KCND2: variants seen among roughly 807,000 people sequenced by gnomAD.
The protein encoded by KCND2 is A-type voltage-gated potassium channel KCND2.
KCND2 carries 16 observed loss-of-function variants against 54.4 expected under a neutral mutation model. That is an observed-to-expected ratio of 0.29 (90% confidence interval 0.20 to 0.45). The LOEUF is 0.45. KCND2 is among the 20% of genes least tolerant of loss of function. The pLI is 1.00. For synonymous variants in KCND2, 317 were observed against 310.7 expected (o/e 1.02, Z -0.21); for missense variants, 486 against 824.2 (o/e 0.59, Z 5.02).
intron 1 of KCND2, among the ~76,000 whole-genome samples, chr7:120,385,172 A>G (rs760660813): frequency 2.8e-5 from 4 of 142,480 alleles, no homozygotes; most frequent in Non-Finnish European, 4.6e-5. Context: ...ACGCTCGACT[A>G]TTTTTTTTTT....
intron 1 of KCND2, among the ~76,000 whole-genome samples, chr7:120,604,746 G>A (rs992636826): frequency 6.6e-6 from 1 of 151,742 alleles, no homozygotes; most frequent in Non-Finnish European, 1.5e-5. Flanking sequence ...TTTCAATACT[G>A]TGTTAAGTAC....
intron 1 of KCND2, among the ~76,000 whole-genome samples, chr7:120,588,220 C>G (rs1490667727): frequency 1.3e-5 from 2 of 152,044 alleles, no homozygotes; most frequent in African/African-American, 2.4e-5. Context: ...CATCCCTTGG[C>G]TTTATAGTCT....
chr7:120,273,431 C>T lies in KCND2; in HGVS notation c.-1202C>T, dbSNP rs2116238142. On this transcript the variant is annotated 5_prime_UTR_variant, in exon 1 of 6. Transcript: ENST00000331113. ...CCCGGCCGCCCCGCAGCCCCGCCGCCCCGCAGCCCCGCACCGCGCTGGCCA... is the reference window on the plus strand; with the variant it reads ...CCCGGCCGCCCCGCAGCCCCGCCGCTCCGCAGCCCCGCACCGCGCTGGCCA... Among the ~76,000 whole-genome samples the T allele has an allele frequency of 6.7e-6, 1 of 148,318 alleles. No individual in the cohort carries two copies. The highest frequency in any genetic ancestry group is 1.5e-5 in the Non-Finnish European group (1 of 66,652).
intron 1 of KCND2, among the ~76,000 whole-genome samples, chr7:120,556,380 A>T (rs1038729312): frequency 6.6e-6 from 1 of 152,202 alleles, no homozygotes; most frequent in Non-Finnish European, 1.5e-5. Context: ...TGACCCAGCC[A>T]TTCTGCATGC....
At chr7:120,634,633 A>T (rs1404359277) in intron 1 of KCND2, among the ~76,000 whole-genome samples, 1 of 152,206 alleles carries the variant, frequency 6.6e-6, no homozygotes, top group East Asian at 1.9e-4. Context: ...GCTTGTAAAA[A>T]CTTTTAAGCA....
intron 1 of KCND2, among the ~76,000 whole-genome samples, chr7:120,657,749 G>A (rs956374841): frequency 3.3e-5 from 5 of 152,128 alleles, no homozygotes; most frequent in African/African-American, 9.7e-5. Context: ...TCCGCAGGCT[G>A]AGGAGTGAGA....
chr7:120,451,995 G>A (rs7805718), intron 1 of KCND2, among the ~76,000 whole-genome samples: 41,907 of 152,050 alleles, frequency 0.28, 8,387 homozygotes, highest in East Asian at 0.56. Flanking sequence ...AACAGAAATC[G>A]ATAACACATT....
chr7:120,431,929 A>G (rs981186697), intron 1 of KCND2, among the ~76,000 whole-genome samples: 1 of 152,160 alleles, frequency 6.6e-6, no homozygotes, highest in African/African-American at 2.4e-5. Context: ...GTGTAGTAGT[A>G]GTAGGATTAT....
intron 1 of KCND2, among the ~76,000 whole-genome samples, chr7:120,571,314 A>G (rs970025978): frequency 3.9e-5 from 6 of 152,224 alleles, no homozygotes; most frequent in Non-Finnish European, 7.3e-5. Context: ...GAAAAATATT[A>G]TGAAGTCTAA....
chr7:120,480,223 G>A (rs1266166652), intron 1 of KCND2, among the ~76,000 whole-genome samples: 3 of 151,922 alleles, frequency 2.0e-5, no homozygotes, highest in Non-Finnish European at 2.9e-5. Flanking sequence ...TTCTCAATAT[G>A]AATTTTCTGT....
chr7:120,354,012 C>A (rs561340445), intron 1 of KCND2, among the ~76,000 whole-genome samples: 3 of 152,036 alleles, frequency 2.0e-5, no homozygotes, highest in African/African-American at 7.2e-5. Flanking sequence ...TTTTGTGTGA[C>A]AAAATGGGAA....
intron 1 of KCND2, among the ~76,000 whole-genome samples, chr7:120,522,946 C>G (rs752292561): frequency 6.6e-6 from 1 of 152,132 alleles, no homozygotes; most frequent in Non-Finnish European, 1.5e-5. Context: ...ACATACCTGT[C>G]TTTTGATTCC....
intron 1 of KCND2, among the ~76,000 whole-genome samples, chr7:120,688,233 G>C (rs183390302): frequency 4.6e-5 from 7 of 152,126 alleles, no homozygotes; most frequent in Non-Finnish European, 1.0e-4. Flanking sequence ...AACTTTTTCT[G>C]TTAAGTACCA....
intron 1 of KCND2, among the ~76,000 whole-genome samples, chr7:120,346,339 A>G (rs1426569238): frequency 1.3e-5 from 2 of 152,156 alleles, no homozygotes; most frequent in Non-Finnish European, 2.9e-5. Flanking sequence ...GAGTGAGTTC[A>G]TAGAAAATCC....
intron 1 of KCND2, among the ~76,000 whole-genome samples, chr7:120,364,957 A>G (rs1349840167): frequency 6.6e-6 from 1 of 152,076 alleles, no homozygotes; most frequent in African/African-American, 2.4e-5. Flanking sequence ...CAAAAAGATT[A>G]TAAGAAACAA....
intron 1 of KCND2, among the ~76,000 whole-genome samples, chr7:120,353,622 A>G (rs565879791): frequency 2.0e-5 from 3 of 152,274 alleles, no homozygotes; most frequent in South Asian, 2.1e-4. Context: ...AAATAAGACT[A>G]TCTATAGGGC....
chr7:120,334,091 T>C (rs1800108839), intron 1 of KCND2, among the ~76,000 whole-genome samples: 1 of 152,130 alleles, frequency 6.6e-6, no homozygotes, highest in African/African-American at 2.4e-5. Flanking sequence ...TTGTTTTCTG[T>C]TTCAATGGAC....
At chr7:120,700,626 T>G (rs1584888989) in intron 1 of KCND2, among the ~76,000 whole-genome samples, 1 of 152,184 alleles carries the variant, frequency 6.6e-6, no homozygotes, top group Non-Finnish European at 1.5e-5. Flanking sequence ...ATAGAAAAAT[T>G]TATTAAAGTT....
At chr7:120,526,856 T>C in intron 1 of KCND2, among the ~76,000 whole-genome samples, 1 of 152,158 alleles carries the variant, frequency 6.6e-6, no homozygotes, top group Non-Finnish European at 1.5e-5. Context: ...ATGTCATTAA[T>C]TTTCAGAAGG....
Sources: gnomAD v4.1 joint callset for allele counts (sites outside exome capture counted in the v4.1 genomes callset) on GRCh38, gnomAD v4.1.1 for gene constraint, MANE v1.5 for transcripts, NCBI Gene and HGNC (gene_info 2026-07-23, HGNC 2026-07-21) for gene names.